Variants in SFXN5 observed in about 807,000 individuals in gnomAD.
SFXN5 encodes the protein sideroflexin-5.
SFXN5 carries 43 observed loss-of-function variants against 50.2 expected under a neutral mutation model. The ratio of observed to expected loss-of-function variants is 0.86; its 90% CI spans 0.67 to 1.11. SFXN5 has a LOEUF of 1.11. Ranked by LOEUF, SFXN5 falls within the 50% of genes least tolerant of loss-of-function variation. SFXN5 has a pLI of 0.00. For synonymous variants in SFXN5, 203 were observed against 185.8 expected, an observed-to-expected ratio of 1.09 and a Z score of -0.75; for missense variants, 463 against 454.1, an observed-to-expected ratio of 1.02 and a Z score of -0.18.
intron 13 of SFXN5, among the ~76,000 whole-genome samples, chr2:72,954,739 C>T (rs1047089608): frequency 6.6e-5 from 10 of 152,208 alleles, no homozygotes; most frequent in Non-Finnish European, 1.0e-4. Flanking sequence ...GCCCACTTGC[C>T]GTGCCCAGAC....
rs145206863 is a variant in SFXN5 at position 72,968,509 on chromosome 2, G to A, written c.766C>T (p.Arg256Ter). ...AGGATGGGCATGGGCAGGACCACTC[G>A]CGTCAGCGCCGTCTCCAGCAGGGCC... ...RHALLETALT[R>*]VVLPMPILVL... The change falls in exon 12 of 14, where the codon CGA (arginine) becomes TGA (stop). Residue 256 changes from arginine (R) to a stop codon, truncating the protein, a stop_gained. Transcript: ENST00000272433. LOFTEE classifies it high-confidence loss of function. 139 of 1,613,218 alleles carry A rather than the reference G, an allele frequency of 8.6e-5. No individual in the cohort carries two copies. The highest frequency in any genetic ancestry group is 1.8e-4 in the Middle Eastern group (1 of 5,508).
chr2:72,987,823 AAGACC>A (rs1165886097), intron 10 of SFXN5, among the ~76,000 whole-genome samples: 3 of 152,266 alleles, frequency 2.0e-5, no homozygotes, highest in Non-Finnish European at 2.9e-5. Flanking sequence ...ATAATATTTT[AAGACC>A]TCTGTAACAA....
chr2:72,989,745 A>C (rs778836033), intron 9 of SFXN5, among the ~76,000 whole-genome samples: 1 of 152,206 alleles, frequency 6.6e-6, no homozygotes, highest in Non-Finnish European at 1.5e-5. Context: ...AATGCATACA[A>C]GTGCAGGCCT....
intron 12 of SFXN5, among the ~76,000 whole-genome samples, chr2:72,963,865 G>A (rs895885804): frequency 9.9e-5 from 15 of 151,166 alleles, no homozygotes; most frequent in Non-Finnish European, 2.1e-4. Flanking sequence ...CTGCAGGGAG[G>A]GTGTCAAGTG....
chr2:73,049,410 C>T (rs1442333459), intron 2 of SFXN5: 1 of 152,454 alleles, frequency 6.6e-6, no homozygotes, highest in Non-Finnish European at 1.5e-5. Flanking sequence ...TGCCACGACA[C>T]CCAGCTAATT....
chr2:73,021,041 G>C (rs1676820515), intron 5 of SFXN5, among the ~76,000 whole-genome samples: 1 of 152,220 alleles, frequency 6.6e-6, no homozygotes, highest in Non-Finnish European at 1.5e-5. Context: ...ACACACACGT[G>C]AGCCATGGTT....
intron 2 of SFXN5, among the ~76,000 whole-genome samples, chr2:73,048,268 A>C (rs1352615377): frequency 8.5e-5 from 13 of 152,190 alleles, no homozygotes. Flanking sequence ...CCCAGGCTGG[A>C]GTGCAGTGAT....
intron 3 of SFXN5, among the ~76,000 whole-genome samples, chr2:73,028,794 A>G (rs1455377441): frequency 6.6e-6 from 1 of 152,226 alleles, no homozygotes; most frequent in Non-Finnish European, 1.5e-5. Flanking sequence ...GAGACAATGC[A>G]GGAACTAAAG....
intron 3 of SFXN5, among the ~76,000 whole-genome samples, chr2:73,034,916 T>C (rs1437921965): frequency 6.6e-6 from 1 of 152,182 alleles, no homozygotes; most frequent in African/African-American, 2.4e-5. Flanking sequence ...CCAACTTCCT[T>C]CCCAGCTTTC....
chr2:73,018,107 C>T (rs904747600), intron 6 of SFXN5, among the ~76,000 whole-genome samples: 3 of 152,004 alleles, frequency 2.0e-5, no homozygotes, highest in Admixed American at 6.6e-5. Flanking sequence ...ACTCGGGAGG[C>T]TGAGGCAAGA....
chr2:73,001,417 A>T, intron 7 of SFXN5, 108 bp downstream of exon 7: 1 of 1,155,752 alleles, frequency 8.7e-7, no homozygotes, highest in Non-Finnish European at 1.3e-6. Context: ...GGGTGGACTG[A>T]CCCTACACGG....
intron 1 of SFXN5, 119 bp from the exon 2 acceptor site, chr2:73,058,715 G>A: frequency 1.2e-6 from 1 of 869,066 alleles, no homozygotes; most frequent in Non-Finnish European, 1.8e-6. Flanking sequence ...CTCCTCGTGT[G>A]GGTGATAAAT....
chr2:72,996,164 G>C (rs1422792237), intron 9 of SFXN5, among the ~76,000 whole-genome samples: 1 of 152,222 alleles, frequency 6.6e-6, no homozygotes, highest in Non-Finnish European at 1.5e-5. Flanking sequence ...GGGAGGACAG[G>C]AGTTTCCAGG....
chr2:73,040,343 C>T lies in SFXN5; in HGVS notation c.249+511G>A, dbSNP rs527721823. 2.4e-3 allele frequency among the ~76,000 whole-genome samples: 369 copies of T among 152,168 alleles called. 1 individual carries two copies. The highest frequency in any genetic ancestry group is 8.0e-3 in the African/African-American group (331 of 41,514). On this transcript the variant is annotated intron_variant, in intron 3 of 13. Coordinates refer to ENST00000272433, the MANE Select transcript of SFXN5 (RefSeq NM_144579.3). ...GGTATCTCTAATTTGAGTTCCTACA[C>T]GATATTAAAAAAGAATAAAACAACA...
At position 72,953,061 on chromosome 2, in the gene SFXN5, G is replaced by A. The variant is rs896604140; in HGVS notation, c.946-7962C>T. Among the ~76,000 whole-genome samples, 5 of 152,204 alleles carry A rather than the reference G, an allele frequency of 3.3e-5. No homozygotes were observed. The highest frequency in any genetic ancestry group is 2.1e-4 in the South Asian group (1 of 4,832). On this transcript the variant is annotated intron_variant, in intron 13 of 13. Transcript: ENST00000272433. The surrounding 1 kb of genome is among the most constrained non-coding windows in gnomAD (Gnocchi z 4.1). ...GCAGCCCCGCCGAGGCCTGCCACCCGGGCATGTGTACATGTTCTTGCGTGC... is the reference window on the plus strand; with the variant it reads ...GCAGCCCCGCCGAGGCCTGCCACCCAGGCATGTGTACATGTTCTTGCGTGC...
chr2:72,982,447 G>A (rs141001623), intron 10 of SFXN5, among the ~76,000 whole-genome samples: 391 of 152,366 alleles, frequency 2.6e-3, no homozygotes, highest in Admixed American at 4.3e-3. Flanking sequence ...TCTGCCACGA[G>A]TGACTCATCT....
At chr2:73,002,158 GC>G (rs534220405) in intron 6 of SFXN5, among the ~76,000 whole-genome samples, 31 of 152,158 alleles carry the variant, frequency 2.0e-4, no homozygotes, top group Non-Finnish European at 3.5e-4. Context: ...TTTCCATGAA[GC>G]AAAAACCTAT....
rs1370771873 is a variant in SFXN5, at chr2:72,961,165, G to A, written c.911C>T (p.Pro304Leu). 16 of 1,579,516 alleles carry A rather than the reference G, an allele frequency of 1.0e-5. No individual in the cohort carries two copies. The highest frequency in any genetic ancestry group is 3.3e-4 in the Middle Eastern group (2 of 5,980). The change falls in exon 13 of 14, where the codon CCG becomes CTG. Residue 304 changes from proline (P) to leucine (L), a missense_variant. By Grantham distance (98) the Pro-to-Leu change is moderately conservative. Coordinates refer to ENST00000272433, the MANE Select transcript of SFXN5 (RefSeq NM_144579.3). This position sits in a 1 kb window ranked among gnomAD's most constrained non-coding sequence, Gnocchi z 4.4. ...VCLAAFGLAL[P>L]LAISLFPQMS... ...TTGCGGGAAGAGGCTGATGGCCAGCGGCAGGGCCAGGCCGAAGGCTGCCAG... is the reference window on the plus strand; with the variant it reads ...TTGCGGGAAGAGGCTGATGGCCAGCAGCAGGGCCAGGCCGAAGGCTGCCAG...
chr2:73,065,659 A>G (rs1234035290), intron 1 of SFXN5, among the ~76,000 whole-genome samples: 1 of 152,208 alleles, frequency 6.6e-6, no homozygotes, highest in African/African-American at 2.4e-5. Context: ...GGCCTCCCAG[A>G]GTGCTGGGAT....
Sources: allele counts gnomAD v4.1 joint callset (sites outside exome capture counted in the v4.1 genomes callset), GRCh38; gene constraint gnomAD v4.1.1; non-coding constraint Gnocchi (gnomAD v3.1); transcripts MANE v1.5; gene names NCBI Gene and HGNC (gene_info 2026-07-23, HGNC 2026-07-21).